Variants in DLC1 observed in about 807,000 individuals in gnomAD.
DLC1 encodes rho GTPase-activating protein 7.
DLC1 carries 54 observed loss-of-function variants against 140.3 expected under a neutral mutation model. That is an observed-to-expected ratio of 0.38 (90% CI 0.31 to 0.48). The LOEUF (loss-of-function observed/expected upper bound fraction) is 0.48, where lower values mean the gene tolerates loss of function less well. Among genes scored for constraint, DLC1 ranks in the 20% least tolerant of loss-of-function variants. The probability of loss-of-function intolerance (pLI) is 0.96; values close to 1 mark genes in which losing one functional copy is unlikely to be tolerated. For missense variants in DLC1, 2,536 were observed against 1,907.0 expected (o/e 1.33, Z -6.14); for synonymous variants, 986 against 728.1 (o/e 1.35, Z -5.70).
intron 5 of DLC1, among the ~76,000 whole-genome samples, chr8:13,124,310 T>A (rs923466846): frequency 1.3e-5 from 2 of 152,090 alleles, no homozygotes; most frequent in African/African-American, 2.4e-5. Context: ...ATTATGATCT[T>A]GGATATGAAA....
chr8:13,294,681 G>T (rs1586084935), intron 5 of DLC1, among the ~76,000 whole-genome samples: 2 of 151,854 alleles, frequency 1.3e-5, no homozygotes, highest in East Asian at 3.9e-4. Flanking sequence ...GAAGGGTAAG[G>T]CCAGATTACG....
At chr8:13,397,095 T>C (rs572672812) in intron 3 of DLC1, among the ~76,000 whole-genome samples, 8 of 152,204 alleles carry the variant, frequency 5.3e-5, no homozygotes, top group African/African-American at 1.7e-4. Flanking sequence ...GACTCCAGTG[T>C]GATGTGTGCT....
At chr8:13,355,449 T>G (rs960638284) in intron 4 of DLC1, among the ~76,000 whole-genome samples, 1 of 152,224 alleles carries the variant, frequency 6.6e-6, no homozygotes, top group African/African-American at 2.4e-5. Context: ...CTCACAGTTC[T>G]GGAAACTGGA....
At chr8:13,557,843 G>T (rs1804102123) in intron 1 of DLC1, 1 of 152,116 alleles carries the variant, frequency 6.6e-6, no homozygotes, top group South Asian at 2.1e-4. Flanking sequence ...TAAGTTAAAT[G>T]CAATCTAGAG....
Position 13,465,375 on chromosome 8 carries a change from G to A in DLC1, c.1023+33674C>T, listed in dbSNP as rs374397498. Among the ~76,000 whole-genome samples, 10 of 152,110 alleles carry A rather than the reference G, an allele frequency of 6.6e-5. No individual in the cohort carries two copies. The East Asian group carries it at 9.7e-4, about 15-fold the overall frequency. ...TTATATTGATACCTAGAATGTATAG[G>A]GAGTTCCTGTTGATCCTGACTCTGG... On this transcript the variant is annotated intron_variant, in intron 2 of 17. Transcript: ENST00000276297.
At chr8:13,146,614 T>G (rs1823460750) in intron 5 of DLC1, among the ~76,000 whole-genome samples, 1 of 152,076 alleles carries the variant, frequency 6.6e-6, no homozygotes, top group African/African-American at 2.4e-5. Flanking sequence ...ATATCAACTT[T>G]ATTATTATAT....
intron 5 of DLC1, among the ~76,000 whole-genome samples, chr8:13,231,533 A>G (rs931973445): frequency 1.1e-4 from 16 of 152,238 alleles, no homozygotes; most frequent in African/African-American, 3.9e-4. Flanking sequence ...TGCCTCTTGA[A>G]GAAAACTTAT....
chr8:13,559,443 C>A (rs1269352518), intron 1 of DLC1: 1 of 152,198 alleles, frequency 6.6e-6, no homozygotes, highest in Non-Finnish European at 1.5e-5. Flanking sequence ...ATGACATTAG[C>A]TCTCTTTTCC....
intron 5 of DLC1, among the ~76,000 whole-genome samples, chr8:13,224,190 T>G (rs1467303761): frequency 1.3e-5 from 2 of 152,238 alleles, no homozygotes; most frequent in African/African-American, 4.8e-5. Context: ...ATGAGGCTAC[T>G]GAAATTCTTT....
At chr8:13,212,855 T>G (rs2117114925) in intron 5 of DLC1, among the ~76,000 whole-genome samples, 1 of 152,278 alleles carries the variant, frequency 6.6e-6, no homozygotes, top group South Asian at 2.1e-4. Context: ...ATGTTTTCCG[T>G]TTGACTAAAT....
chr8:13,468,913 C>T (rs7387908), intron 2 of DLC1, among the ~76,000 whole-genome samples: 51,864 of 149,176 alleles, frequency 0.35, 9,324 homozygotes, highest in Middle Eastern at 0.48. Flanking sequence ...CTCGGCCTCC[C>T]GGGTTCAAGT....
At chr8:13,581,113 C>T (rs892759684) in intron 1 of DLC1, among the ~76,000 whole-genome samples, 3 of 152,232 alleles carry the variant, frequency 2.0e-5, no homozygotes, top group Non-Finnish European at 4.4e-5. Context: ...TCTCTCAACT[C>T]TTTGCAAGGA....
chr8:13,408,109 C>T (rs893183001), intron 2 of DLC1, among the ~76,000 whole-genome samples: 1 of 152,054 alleles, frequency 6.6e-6, no homozygotes, highest in Admixed American at 6.5e-5. Context: ...AATTTTTATT[C>T]CACTGTGTTT....
chr8:13,478,743 C>T (rs935778237), intron 2 of DLC1, among the ~76,000 whole-genome samples: 14 of 152,136 alleles, frequency 9.2e-5, no homozygotes, highest in African/African-American at 2.7e-4. Flanking sequence ...TCTCCCAATA[C>T]AATTATTTTA....
At chr8:13,168,780 A>G (rs1442164755) in intron 5 of DLC1, among the ~76,000 whole-genome samples, 1 of 152,350 alleles carries the variant, frequency 6.6e-6, no homozygotes, top group Non-Finnish European at 1.5e-5. Context: ...AGATCTGTCA[A>G]ACGGACACAC....
chr8:13,227,854 A>G (rs1828867896), intron 5 of DLC1, among the ~76,000 whole-genome samples: 1 of 152,208 alleles, frequency 6.6e-6, no homozygotes, highest in East Asian at 1.9e-4. Flanking sequence ...CAATTCCCAT[A>G]ACTGGCTTGG....
At chr8:13,361,986 C>T (rs1835247761) in intron 4 of DLC1, among the ~76,000 whole-genome samples, 1 of 152,120 alleles carries the variant, frequency 6.6e-6, no homozygotes, top group African/African-American at 2.4e-5. Context: ...TTCCCAAAAC[C>T]AAAGAAATAA....
At chr8:13,490,501 C>A (rs1051125149) in intron 2 of DLC1, among the ~76,000 whole-genome samples, 5 of 152,070 alleles carry the variant, frequency 3.3e-5, no homozygotes, top group African/African-American at 7.2e-5. Context: ...CTGTTGGCAC[C>A]ACTGTGTCTG....
intron 5 of DLC1, among the ~76,000 whole-genome samples, chr8:13,200,237 T>G (rs561117589): frequency 5.0e-5 from 6 of 119,016 alleles, no homozygotes; most frequent in African/African-American, 1.8e-4. Context: ...ATATATATAT[T>G]TTTTTTAGTA....
Sources: allele counts gnomAD v4.1 joint callset (sites outside exome capture counted in the v4.1 genomes callset), GRCh38; gene constraint gnomAD v4.1.1; transcripts MANE v1.5; gene names NCBI Gene and HGNC (gene_info 2026-07-23, HGNC 2026-07-21).